The following TLN1 variants were observed in gnomAD, a reference collection of about 807,000 sequenced individuals.
The protein encoded by TLN1 is talin 1.
Under a neutral mutation model 292.3 loss-of-function variants are expected in TLN1, and 56 were observed. The observed-to-expected ratio is 0.19, with a 90% CI of 0.15 to 0.24. TLN1 has a LOEUF of 0.24. Ranked by LOEUF, TLN1 falls within the 10% of genes least tolerant of loss-of-function variation. The probability of loss-of-function intolerance (pLI) is 1.00; values close to 1 mark genes in which losing one functional copy is unlikely to be tolerated. For missense variants in TLN1, 2,433 were observed against 3,248.2 expected, an observed-to-expected ratio of 0.75 and a Z score of 6.10; for synonymous variants, 1,119 against 1,253.7, an observed-to-expected ratio of 0.89 and a Z score of 2.27.
At chr9:35,722,355 C>T (rs545966907) in intron 8 of TLN1, 132 bp from the exon 9 acceptor site, 82 of 778,724 alleles carry the variant, frequency 1.1e-4, no homozygotes, top group African/African-American at 7.8e-4. Flanking sequence ...GATATGAGAA[C>T]GAGAGGGTAA....
Position 35,707,253 on chromosome 9 carries a change from C to A in TLN1, c.4774G>T (p.Gly1592Cys). The change falls in exon 37 of 57, where the codon GGT becomes TGT. Residue 1592 changes from glycine (G) to cysteine (C), a missense_variant and splice_region_variant. By Grantham distance (159) the Gly-to-Cys change is radical. Around this residue, in one of 7 missense-constraint regions of TLN1, gnomAD observed 1,384 missense variants for 1,699.6 expected, o/e 0.81. Coordinates refer to ENST00000314888, the MANE Select transcript of TLN1 (RefSeq NM_006289.4). The surrounding 1 kb of genome is among the most constrained non-coding windows in gnomAD (Gnocchi z 5.6). ...SSIPAQISPEGRAAMEPIVIS... is the reference protein window; with the variant it reads ...SSIPAQISPECRAAMEPIVIS... The stretch of plus-strand genomic sequence containing the variant: ...ACAATGGGCTCCATGGCAGCCCGAC[C>A]CTGGGGAGAGGGGAGGCAGGAAGGT... The A allele has an allele frequency of 6.2e-7, 1 of 1,602,952 alleles. No homozygotes were observed. The highest frequency in any genetic ancestry group is 8.5e-7 in the Non-Finnish European group (1 of 1,172,224).
chr9:35,715,193 G>A lies in TLN1; in HGVS notation c.2626-6C>T, dbSNP rs1436724597. On this transcript the variant is annotated splice_region_variant and splice_polypyrimidine_tract_variant and intron_variant, in intron 20 of 56. Transcript: ENST00000314888. Reference sequence around the variant, plus strand: ...TCAGGGTGGGCAGCTGCTCCCTGAGGGAGAGGTGGAAAGACAGTCATCACC... The same window carrying A: ...TCAGGGTGGGCAGCTGCTCCCTGAGAGAGAGGTGGAAAGACAGTCATCACC... The A allele has an allele frequency of 3.1e-6, 5 of 1,608,268 alleles. No homozygotes were observed. The highest frequency in any genetic ancestry group is 4.2e-6 in the Non-Finnish European group (5 of 1,179,868).
rs1181900524 is a variant in TLN1 at position 35,704,393 on chromosome 9, T to C, written c.5986A>G (p.Ile1996Val). The C allele has an allele frequency of 1.2e-6, 2 of 1,614,154 alleles. No homozygotes were observed. The highest frequency in any genetic ancestry group is 1.7e-5 in the Admixed American group (1 of 60,020). Residue 1996 changes from isoleucine to valine, a missense_variant, in exon 45 of 57, where the codon ATC (isoleucine) becomes GTC (valine). Around this residue, in one of 7 missense-constraint regions of TLN1, gnomAD observed 1,384 missense variants for 1,699.6 expected, o/e 0.81. Transcript: ENST00000314888. The surrounding 1 kb of genome is among the most constrained non-coding windows in gnomAD (Gnocchi z 6.9). ...AGCGTGCCAGCAGTGGCGAACATGA[T>C]GGTGGTGTCGAGGTCAGCAATGATA... ...SGIIADLDTT[I>V]MFATAGTLNR...
rs755902408 is a variant in TLN1 at position 35,706,456 on chromosome 9, T to C, written c.5184A>G (p.Gly1728=). The change falls in exon 39 of 57, where the codon GGA becomes GGG. Residue 1728 remains glycine, a synonymous_variant. Transcript: ENST00000314888. This position sits in a 1 kb window ranked among gnomAD's most constrained non-coding sequence, Gnocchi z 4.2. ...CATGAGTCTCCATAGGTACCTTGTGTCCCAGCTGGGAGGCTTCAGCCCGGG... is the reference window on the plus strand; with the variant it reads ...CATGAGTCTCCATAGGTACCTTGTGCCCCAGCTGGGAGGCTTCAGCCCGGG... ...NAARAEASQL[G]HKVSQMAQYF... 6.2e-7 allele frequency: 1 copy of C among 1,614,098 alleles called. No individual in the cohort carries two copies. The highest frequency in any genetic ancestry group is 1.1e-5 in the South Asian group (1 of 91,074).
chr9:35,714,809 G>C lies in TLN1; in HGVS notation c.2822C>G (p.Thr941Ser). The C allele has an allele frequency of 6.3e-7, 1 of 1,579,040 alleles. No individual in the cohort carries two copies. The highest frequency in any genetic ancestry group is 8.6e-7 in the Non-Finnish European group (1 of 1,162,692). Residue 941 changes from threonine (T) to serine (S), a missense_variant, in exon 22 of 57, where the codon ACC (threonine) becomes AGC (serine). Thr to Ser is a moderately conservative substitution (Grantham distance 58, BLOSUM62 1). Around this residue, in one of 7 missense-constraint regions of TLN1, gnomAD observed 617 missense variants for 770.6 expected, o/e 0.80. Coordinates refer to ENST00000314888, the MANE Select transcript of TLN1 (RefSeq NM_006289.4). The surrounding 1 kb of genome is among the most constrained non-coding windows in gnomAD (Gnocchi z 4.6). ...CTGGGGGCCGGCAGAGGCCTTGGGG[G>C]TAGAGGCTGCGTGCTGAGCTGCAGC... ...TIAAAQHAAS[T>S]PKASAGPQPL...
intron 48 of TLN1, among the ~76,000 whole-genome samples, chr9:35,701,875 A>G (rs1042672481): frequency 6.6e-6 from 1 of 152,210 alleles, no homozygotes; most frequent in African/African-American, 2.4e-5. Context: ...GAGATGGGGG[A>G]AGACCAGGAA....
Position 35,731,984 on chromosome 9 carries a change from C to CG in TLN1, c.-34+90_-34+91insC, listed in dbSNP as rs1198750957. 3.9e-5 allele frequency: 6 copies of CG among 152,722 alleles called. No homozygotes were observed. The East Asian group carries it at 1.2e-3, about 30-fold the overall frequency. The allele number at this position is 152,722 out of a possible 1,614,324, so 9.5% of individuals were successfully genotyped here. ...ACCTCTCCAACTAATAGGACCCGAA[C>CG]CGGACACGCAAGAGAGGCAGGGCCC... On this transcript the variant is annotated intron_variant, in intron 1 of 56. Transcript: ENST00000314888.
intron 3 of TLN1, 46 bp downstream of exon 3, chr9:35,725,178 A>G: frequency 6.2e-7 from 1 of 1,601,658 alleles, no homozygotes. Context: ...AACAGGGAGA[A>G]GCTGATGGAA....
rs72727037 is a variant in TLN1, at chr9:35,704,157, G to A, written c.6065C>T (p.Thr2022Ile). ...GGTGTCCTCCACCAGCACCTTCGCAGTCTTCAGGATGCCCTCCCTGAGGGA... is the reference window on the plus strand; with the variant it reads ...GGTGTCCTCCACCAGCACCTTCGCAATCTTCAGGATGCCCTCCCTGAGGGA... ...FADHREGILK[T>I]AKVLVEDTKV... Residue 2022 changes from threonine (T) to isoleucine (I), a missense_variant, in exon 46 of 57, where the codon ACT (threonine) becomes ATT (isoleucine). Coordinates refer to ENST00000314888, the MANE Select transcript of TLN1 (RefSeq NM_006289.4). The surrounding 1 kb of genome is among the most constrained non-coding windows in gnomAD (Gnocchi z 6.9). 1.6e-5 allele frequency: 25 copies of A among 1,602,608 alleles called. No homozygotes were observed. Among genetic ancestry groups the A allele is most frequent in the Non-Finnish European group, 2.1e-5 (25 of 1,173,568 alleles).
At position 35,713,293 on chromosome 9, in the gene TLN1, C is replaced by T. The variant is rs776012152; in HGVS notation, c.3255G>A (p.Glu1085=). Residue 1085 remains glutamate (E), a synonymous_variant, in exon 26 of 57, where the codon GAG becomes GAA. Coordinates refer to ENST00000314888, the MANE Select transcript of TLN1 (RefSeq NM_006289.4). ...TGTTGCCCAGGTCCTGGGTACACTT[C>T]TCCATCTAAGGATGAAGGGGGAAGA... ...KLKPLPGETM[E]KCTQDLGNST... 17 of 1,588,352 alleles carry T rather than the reference C, an allele frequency of 1.1e-5. No individual in the cohort carries two copies. Among genetic ancestry groups the T allele is most frequent in the South Asian group, 1.0e-4 (9 of 90,270 alleles).
At chr9:35,702,659 ATTT>A (rs1175892655) in intron 48 of TLN1, among the ~76,000 whole-genome samples, 1 of 151,748 alleles carries the variant, frequency 6.6e-6, no homozygotes, top group Non-Finnish European at 1.5e-5. Flanking sequence ...CGCCCAGCTA[ATTT>A]TTGTATTTTT....
At chr9:35,703,472 G>T in intron 48 of TLN1, 88 bp downstream of exon 48, 2 of 1,236,104 alleles carry the variant, frequency 1.6e-6, no homozygotes, top group Non-Finnish European at 2.4e-6. Flanking sequence ...TGTGACTCCA[G>T]CTGTGAGTAT....
At chr9:35,720,550 G>T in intron 11 of TLN1, 41 bp from the exon 12 acceptor site, 1 of 1,596,728 alleles carries the variant, frequency 6.3e-7, no homozygotes, top group Non-Finnish European at 8.6e-7. Context: ...GATAGTTAAA[G>T]AAGAGGGAAG....
chr9:35,712,413 A>AG (rs906808756), intron 27 of TLN1, among the ~76,000 whole-genome samples: 7 of 152,138 alleles, frequency 4.6e-5, no homozygotes, highest in South Asian at 4.1e-4. Flanking sequence ...TGGGAGGCCG[A>AG]GGGGGGCAGA....
rs1825935202 is a variant in TLN1, at chr9:35,724,528, ACCCTT to A, written c.511+39_511+43del. On this transcript the variant is annotated intron_variant, in intron 5 of 56. Transcript: ENST00000314888. The surrounding 1 kb of genome is among the most constrained non-coding windows in gnomAD (Gnocchi z 4.7). ...GAAGCAGATGCTGAAGCCCCTTCCCACCCTTCCCATTTCAAAAGCCCTCTTTTTTC... is the reference window on the plus strand; with the variant it reads ...GAAGCAGATGCTGAAGCCCCTTCCCACCCATTTCAAAAGCCCTCTTTTTTC... The A allele has an allele frequency of 1.3e-6, 2 of 1,593,250 alleles. No homozygotes were observed. Among genetic ancestry groups the A allele is most frequent in the Non-Finnish European group, 1.7e-6 (2 of 1,167,982 alleles).
At chr9:35,725,818 A>G (rs1825966104) in intron 1 of TLN1, 91 bp from the exon 2 acceptor site, 2 of 1,170,760 alleles carry the variant, frequency 1.7e-6, no homozygotes, top group South Asian at 3.0e-5. Context: ...AGTGTTTTTG[A>G]AAGGGACTCA....
In TLN1 at chr9:35,704,641, C is replaced by A; in HGVS notation, c.5880+28G>T. The stretch of plus-strand genomic sequence containing the variant: ...AGGCTACAGAGTTTGGAGGCAGTCC[C>A]ACCATCTGCAGGGATGAGCACCGTC... On this transcript the variant is annotated intron_variant, in intron 44 of 56. Coordinates refer to ENST00000314888, the MANE Select transcript of TLN1 (RefSeq NM_006289.4). The surrounding 1 kb of genome is among the most constrained non-coding windows in gnomAD (Gnocchi z 6.9). 1 of 1,612,148 alleles carries A rather than the reference C, an allele frequency of 6.2e-7. No individual in the cohort carries two copies. Among genetic ancestry groups the A allele is most frequent in the Non-Finnish European group, 8.5e-7 (1 of 1,179,026 alleles).
chr9:35,728,481 G>T (rs1296708948), intron 1 of TLN1, among the ~76,000 whole-genome samples: 2 of 152,072 alleles, frequency 1.3e-5, no homozygotes, highest in Non-Finnish European at 1.5e-5. Flanking sequence ...CTGAAGGGCT[G>T]CACAGAACTT....
chr9:35,720,929 G>C lies in TLN1; in HGVS notation c.1105-16C>G, dbSNP rs1376909968. The C allele has an allele frequency of 6.3e-7, 1 of 1,596,230 alleles. No individual in the cohort carries two copies. Among genetic ancestry groups the C allele is most frequent in the Non-Finnish European group, 8.6e-7 (1 of 1,164,350 alleles). On this transcript the variant is annotated splice_polypyrimidine_tract_variant and intron_variant, in intron 10 of 56. Coordinates refer to ENST00000314888, the MANE Select transcript of TLN1 (RefSeq NM_006289.4). ...CTCCAAAATCCTAGGGTGACAAGTG[G>C]GGGACTCAGAGGGAAAGCTCAAATC...
Sources: allele counts gnomAD v4.1 joint callset (sites outside exome capture counted in the v4.1 genomes callset), GRCh38; gene constraint gnomAD v4.1.1; regional missense constraint gnomAD v4.1.1; non-coding constraint Gnocchi (gnomAD v3.1); transcripts MANE v1.5; gene names NCBI Gene and HGNC (gene_info 2026-07-23, HGNC 2026-07-21).